VAV1: variants seen among roughly 807,000 people sequenced by gnomAD.
VAV1 encodes the protein proto-oncogene vav.
A neutral mutation model predicts 128.1 loss-of-function variants in VAV1; 33 were observed. That is an observed-to-expected ratio of 0.26 (90% CI 0.20 to 0.34). The LOEUF is 0.34. VAV1 is among the 10% of genes least tolerant of loss of function. The pLI, the probability that VAV1 is intolerant of heterozygous loss-of-function variation, is 1.00. For missense variants in VAV1, 715 were observed against 1,093.7 expected (o/e 0.65, Z 4.88); for synonymous variants, 394 against 409.8 (o/e 0.96, Z 0.47).
At chr19:6,775,864 G>T (rs575423213) in intron 1 of VAV1, among the ~76,000 whole-genome samples, 4 of 152,270 alleles carry the variant, frequency 2.6e-5, no homozygotes, top group South Asian at 4.1e-4. Flanking sequence ...CTCCTGTGGA[G>T]GAAATGGCAT....
intron 22 of VAV1, among the ~76,000 whole-genome samples, chr19:6,844,508 C>T (rs1054811771): frequency 6.6e-6 from 1 of 152,140 alleles, no homozygotes; most frequent in South Asian, 2.1e-4. Context: ...TGAGCCACCT[C>T]GCCCAGCCGA....
chr19:6,841,464 A>G (rs542809494), intron 21 of VAV1, among the ~76,000 whole-genome samples: 1 of 142,632 alleles, frequency 7.0e-6, no homozygotes, highest in South Asian at 2.3e-4. Flanking sequence ...GAACCACCAT[A>G]CTATTTTTCT....
chr19:6,814,657 TTCCTTCCTTC>T (rs1568299069), intron 1 of VAV1, among the ~76,000 whole-genome samples: 4 of 67,002 alleles, frequency 6.0e-5, no homozygotes, highest in African/African-American at 3.1e-4. Flanking sequence ...CCTTCCTTCC[TTCCTTCCTTC>T]CTTCCTTTCT....
chr19:6,831,262 C>T (rs574644017), intron 14 of VAV1, among the ~76,000 whole-genome samples: 1 of 152,066 alleles, frequency 6.6e-6, no homozygotes, highest in Non-Finnish European at 1.5e-5. Context: ...TGAACTCTTC[C>T]GTTCGCTTCA....
chr19:6,809,087 T>G (rs868176160), intron 1 of VAV1, among the ~76,000 whole-genome samples: 6,262 of 150,460 alleles, frequency 0.042, 482 homozygotes, highest in African/African-American at 0.14. Context: ...CTTTTTTTTT[T>G]TTTTTTTTTT....
intron 23 of VAV1, among the ~76,000 whole-genome samples, chr19:6,850,225 G>GTTTTTTTT (rs760967154): frequency 7.4e-3 from 364 of 48,984 alleles, no homozygotes; most frequent in Middle Eastern, 0.029. Flanking sequence ...TTGTTTCTTT[G>GTTTTTTTT]TTTTTTTTTT....
intron 26 of VAV1, among the ~76,000 whole-genome samples, chr19:6,855,515 C>T (rs149537483): frequency 3.7e-4 from 56 of 152,204 alleles, no homozygotes; most frequent in African/African-American, 1.3e-3. Context: ...ATCCATTCAT[C>T]CACCCACCCT....
chr19:6,843,011 C>T, intron 21 of VAV1, 124 bp from the exon 22 acceptor site: 1 of 1,044,188 alleles, frequency 9.6e-7, no homozygotes, highest in African/African-American at 1.6e-5. Context: ...CAGTGCCTGG[C>T]ACATAATAGG....
At chr19:6,792,517 A>G (rs1971039745) in intron 1 of VAV1, among the ~76,000 whole-genome samples, 2 of 152,112 alleles carry the variant, frequency 1.3e-5, no homozygotes, top group Admixed American at 1.3e-4. Context: ...TTGATCAAGC[A>G]AGGGAAGGAA....
At position 6,777,234 on chromosome 19, in the gene VAV1, TATCCATCC is replaced by T. The variant is rs57771330; in HGVS notation, c.204+4269_204+4276del. On this transcript the variant is annotated intron_variant, in intron 1 of 26. Coordinates refer to ENST00000602142, the MANE Select transcript of VAV1 (RefSeq NM_005428.4). This position sits in a 1 kb window ranked among gnomAD's most constrained non-coding sequence, Gnocchi z 4.4. ...TCATCCATCCATTTATCTGTTTAACTATCCATCCATCCATCCATCCATCCATCCATCCA... is the reference window on the plus strand; with the variant it reads ...TCATCCATCCATTTATCTGTTTAACTATCCATCCATCCATCCATCCATCCA... Among the ~76,000 whole-genome samples the T allele has an allele frequency of 0.54, 78,247 of 145,238 alleles. 21,466 individuals carry two copies. Among genetic ancestry groups the T allele is most frequent in the East Asian group, 0.65 (3,179 of 4,866 alleles).
At chr19:6,854,193 C>T (rs577800852) in intron 26 of VAV1, 95 bp downstream of exon 26, 9 of 1,492,152 alleles carry the variant, frequency 6.0e-6, no homozygotes, top group Non-Finnish European at 8.1e-6. Flanking sequence ...TGAGGTGCGG[C>T]TCCCATGGAG....
In VAV1 at chr19:6,840,303, C is replaced by CT. The variant is rs34882027; in HGVS notation, c.1981-2815dup. ...TGTGGAATGTGTCAGAATTTTCTTTCTTTTTTTTTTTTTTTTTGGTGAAAT... is the reference window on the plus strand; with the variant it reads ...TGTGGAATGTGTCAGAATTTTCTTTCTTTTTTTTTTTTTTTTTTGGTGAAAT... On this transcript the variant is annotated intron_variant, in intron 21 of 26. Transcript: ENST00000602142. Among the ~76,000 whole-genome samples the CT allele has an allele frequency of 7.5e-3, 932 of 124,102 alleles. 7 individuals carry two copies. The highest frequency in any genetic ancestry group is 9.6e-3 in the Non-Finnish European group (546 of 56,894). The allele number at this position is 124,102 out of a possible 152,430, so 81.4% of individuals were successfully genotyped here.
At chr19:6,833,150 T>TC in intron 15 of VAV1, 34 bp from the exon 16 acceptor site, 1 of 1,506,952 alleles carries the variant, frequency 6.6e-7, no homozygotes, top group Non-Finnish European at 9.1e-7. Flanking sequence ...ATACTGACCT[T>TC]CTTTTTTTTT....
At chr19:6,843,809 GT>G (rs911678786) in intron 22 of VAV1, among the ~76,000 whole-genome samples, 12 of 148,462 alleles carry the variant, frequency 8.1e-5, no homozygotes, top group African/African-American at 1.5e-4. Context: ...ATGCATGGTT[GT>G]TTTTTTTTTC....
chr19:6,850,225 G>GTTTTT (rs760967154), intron 23 of VAV1, among the ~76,000 whole-genome samples: 14 of 49,026 alleles, frequency 2.9e-4, no homozygotes, highest in South Asian at 6.2e-4. Context: ...TTGTTTCTTT[G>GTTTTT]TTTTTTTTTT....
At chr19:6,847,201 A>G (rs993528635) in intron 22 of VAV1, among the ~76,000 whole-genome samples, 2 of 152,052 alleles carry the variant, frequency 1.3e-5, no homozygotes, top group African/African-American at 2.4e-5. Context: ...CGTGAGCCAC[A>G]GCGCCCAGCC....
At chr19:6,781,369 C>G (rs1005371006) in intron 1 of VAV1, among the ~76,000 whole-genome samples, 2 of 152,296 alleles carry the variant, frequency 1.3e-5, no homozygotes, top group Non-Finnish European at 2.9e-5. Context: ...GGACTGGCTT[C>G]TCTGCCGCCT....
chr19:6,842,364 C>T (rs942664210), intron 21 of VAV1, among the ~76,000 whole-genome samples: 2 of 152,192 alleles, frequency 1.3e-5, no homozygotes, highest in Non-Finnish European at 2.9e-5. Flanking sequence ...TCTGCTCACC[C>T]TCCAGGGTCC....
Position 6,822,231 on chromosome 19 carries a change from G to T in VAV1, c.460G>T (p.Glu154Ter). 1 of 1,582,910 alleles carries T rather than the reference G, an allele frequency of 6.3e-7. No homozygotes were observed. Among genetic ancestry groups the T allele is most frequent in the Non-Finnish European group, 8.6e-7 (1 of 1,165,762 alleles). ...GLSDQIDDTV[E>*]EDEDLYDCVE... ...CCTCACAACCCACAGCGACACGGTG[G>T]AGGAGGATGAGGACCTGTATGACTG... Residue 154 changes from glutamate to a stop codon, truncating the protein, a stop_gained, in exon 5 of 27, where the codon GAG becomes TAG. Transcript: ENST00000602142. LOFTEE classifies it high-confidence loss of function. This position sits in a 1 kb window ranked among gnomAD's most constrained non-coding sequence, Gnocchi z 5.9.
Sources: gnomAD v4.1 joint callset for allele counts (sites outside exome capture counted in the v4.1 genomes callset) on GRCh38, gnomAD v4.1.1 for gene constraint, Gnocchi (gnomAD v3.1) non-coding constraint, MANE v1.5 for transcripts, NCBI Gene and HGNC (gene_info 2026-07-23, HGNC 2026-07-21) for gene names.